CNTNAP2: variants seen among roughly 807,000 people sequenced by gnomAD.
CNTNAP2 encodes contactin associated protein 2.
Under a neutral mutation model 155.2 loss-of-function variants are expected in CNTNAP2, and 98 were observed. The ratio of observed to expected loss-of-function variants is 0.63; its 90% CI spans 0.54 to 0.75. The LOEUF (loss-of-function observed/expected upper bound fraction) is 0.75, where lower values mean the gene tolerates loss of function less well. Among genes scored for constraint, CNTNAP2 ranks in the 30% least tolerant of loss-of-function variants. The pLI, the probability that CNTNAP2 is intolerant of heterozygous loss-of-function variation, is 0.00. For synonymous variants in CNTNAP2, 651 were observed against 631.2 expected (o/e 1.03, Z -0.47); for missense variants, 1,727 against 1,688.1 (o/e 1.02, Z -0.40).
chr7:146,171,337 T>G (rs1354631599), intron 1 of CNTNAP2, among the ~76,000 whole-genome samples: 2 of 152,166 alleles, frequency 1.3e-5, no homozygotes, highest in Admixed American at 6.5e-5. Context: ...ATTGTATTTC[T>G]TTGAGCCTAT....
intron 13 of CNTNAP2, among the ~76,000 whole-genome samples, chr7:147,699,363 C>T (rs1181834421): frequency 1.3e-5 from 2 of 151,774 alleles, no homozygotes; most frequent in African/African-American, 4.8e-5. Flanking sequence ...GAAAACCAAA[C>T]ACCACATGCT....
intron 3 of CNTNAP2, among the ~76,000 whole-genome samples, chr7:146,841,121 T>A (rs1245897495): frequency 6.6e-6 from 1 of 152,218 alleles, no homozygotes; most frequent in African/African-American, 2.4e-5. Flanking sequence ...TAGACCCTTG[T>A]GTCCCAACCC....
intron 11 of CNTNAP2, among the ~76,000 whole-genome samples, chr7:147,515,756 A>G (rs973173067): frequency 1.3e-5 from 2 of 152,222 alleles, no homozygotes; most frequent in African/African-American, 4.8e-5. Flanking sequence ...CCCATCTAAA[A>G]TAGTGTCCAG....
At chr7:146,478,236 G>A (rs903332350) in intron 1 of CNTNAP2, among the ~76,000 whole-genome samples, 1 of 151,772 alleles carries the variant, frequency 6.6e-6, no homozygotes, top group Non-Finnish European at 1.5e-5. Context: ...AGAGTGGAGA[G>A]ACAAAAATGA....
intron 9 of CNTNAP2, among the ~76,000 whole-genome samples, chr7:147,371,748 CA>C (rs1441624916): frequency 1.3e-5 from 2 of 152,100 alleles, no homozygotes; most frequent in African/African-American, 2.4e-5. Context: ...ACAGCCTCTC[CA>C]GGGGTGCTCA....
At chr7:146,131,949 G>C (rs1053332179) in intron 1 of CNTNAP2, among the ~76,000 whole-genome samples, 1 of 152,100 alleles carries the variant, frequency 6.6e-6, no homozygotes, top group African/African-American at 2.4e-5. Context: ...TTGTGAAGAA[G>C]GTGTCTGCTT....
intron 1 of CNTNAP2, among the ~76,000 whole-genome samples, chr7:146,620,933 C>G (rs1185541931): frequency 3.3e-5 from 5 of 152,140 alleles, no homozygotes; most frequent in African/African-American, 9.7e-5. Context: ...GACCTTTTAA[C>G]AATTGGGAAT....
chr7:146,969,432 T>A (rs1315955746), intron 3 of CNTNAP2, among the ~76,000 whole-genome samples: 5 of 152,072 alleles, frequency 3.3e-5, no homozygotes, highest in South Asian at 4.1e-4. Context: ...CCCATTATTA[T>A]TGTGTGGGAG....
At chr7:146,611,183 C>A (rs1449114644) in intron 1 of CNTNAP2, among the ~76,000 whole-genome samples, 2 of 152,196 alleles carry the variant, frequency 1.3e-5, no homozygotes, top group Non-Finnish European at 2.9e-5. Context: ...ACAGCTCACT[C>A]AGCCTCTGCT....
At chr7:147,077,212 A>C (rs1269473888) in intron 4 of CNTNAP2, among the ~76,000 whole-genome samples, 1 of 152,200 alleles carries the variant, frequency 6.6e-6, no homozygotes, top group Non-Finnish European at 1.5e-5. Flanking sequence ...TTTTACTAAA[A>C]CAAATTTATT....
At chr7:147,518,687 T>A (rs1799175666) in intron 11 of CNTNAP2, among the ~76,000 whole-genome samples, 1 of 152,180 alleles carries the variant, frequency 6.6e-6, no homozygotes, top group Non-Finnish European at 1.5e-5. Context: ...TTCTGTGCTT[T>A]GATTTTGCTA....
chr7:148,288,022 C>T (rs987160560), intron 21 of CNTNAP2, among the ~76,000 whole-genome samples: 23 of 151,420 alleles, frequency 1.5e-4, no homozygotes, highest in Non-Finnish European at 1.3e-4. Context: ...AATCTCTTGA[C>T]TTCGTGATCG....
At chr7:146,611,339 C>G (rs1231831941) in intron 1 of CNTNAP2, among the ~76,000 whole-genome samples, 1 of 152,220 alleles carries the variant, frequency 6.6e-6, no homozygotes, top group Admixed American at 6.5e-5. Flanking sequence ...AATCTTCCCC[C>G]TTCAGCTTCC....
chr7:148,134,979 A>T (rs2116633570), intron 16 of CNTNAP2, among the ~76,000 whole-genome samples: 1 of 152,212 alleles, frequency 6.6e-6, no homozygotes, highest in Non-Finnish European at 1.5e-5. Context: ...TTTGTAACCT[A>T]CTTTTTTATG....
chr7:147,445,744 TA>T (rs1254567416), intron 10 of CNTNAP2, among the ~76,000 whole-genome samples: 1 of 152,186 alleles, frequency 6.6e-6, no homozygotes, highest in African/African-American at 2.4e-5. Context: ...GAAGCTGCAT[TA>T]GTCTATCTAT....
At chr7:147,414,941 C>CAA (rs67048724) in intron 10 of CNTNAP2, among the ~76,000 whole-genome samples, 6,345 of 50,704 alleles carry the variant, frequency 0.13, 602 homozygotes, top group East Asian at 0.35. Context: ...GACTCCTTCT[C>CAA]AAAAAAAAAA....
chr7:146,925,789 A>G (rs1796596671), intron 3 of CNTNAP2, among the ~76,000 whole-genome samples: 1 of 152,152 alleles, frequency 6.6e-6, no homozygotes, highest in Non-Finnish European at 1.5e-5. Context: ...AATTCATAAT[A>G]TTGTAGCAGC....
intron 13 of CNTNAP2, among the ~76,000 whole-genome samples, chr7:147,813,380 A>G (rs1371648886): frequency 6.6e-6 from 1 of 152,210 alleles, no homozygotes; most frequent in African/African-American, 2.4e-5. Context: ...TAGATGAAAA[A>G]GATAGTCATA....
chr7:147,387,895 C>T lies in CNTNAP2; in HGVS notation c.1499-7714C>T, dbSNP rs143285336. ...TCCAACTTTCACCCACTTATTTGAG[C>T]ACCTATTGATATGCCTTGCCTGAAT... is the stretch of plus-strand genomic sequence containing the variant. On this transcript the variant is annotated intron_variant, in intron 9 of 23. Coordinates refer to ENST00000361727, the MANE Select transcript of CNTNAP2 (RefSeq NM_014141.6). Among the ~76,000 whole-genome samples, 35 of 152,290 alleles carry T rather than the reference C, an allele frequency of 2.3e-4. 1 individual carries two copies. The highest frequency in any genetic ancestry group is 8.2e-4 in the African/African-American group (34 of 41,548).
Sources: gnomAD v4.1 joint callset for allele counts (sites outside exome capture counted in the v4.1 genomes callset) on GRCh38, gnomAD v4.1.1 for gene constraint, MANE v1.5 for transcripts, NCBI Gene and HGNC (gene_info 2026-07-23, HGNC 2026-07-21) for gene names.